The following TULP4 variants were observed in gnomAD, a reference collection of about 807,000 sequenced individuals.
The protein encoded by TULP4 is tubby-related protein 4.
In TULP4, 16 loss-of-function variants were observed where a neutral mutation model predicts 129.0. The observed-to-expected ratio is 0.12, with a 90% confidence interval of 0.08 to 0.19. TULP4 has a LOEUF of 0.19. Among genes scored for constraint, TULP4 ranks in the 10% least tolerant of loss-of-function variants. TULP4 has a pLI of 1.00. For synonymous variants in TULP4, 998 were observed against 854.0 expected (o/e 1.17, Z -2.94); for missense variants, 1,842 against 2,059.1 (o/e 0.89, Z 2.04).
At chr6:158,486,550 T>C (rs1386645389) in intron 8 of TULP4, among the ~76,000 whole-genome samples, 2 of 149,212 alleles carry the variant, frequency 1.3e-5, no homozygotes, top group African/African-American at 2.4e-5. Context: ...AAGACTCGTC[T>C]CAAAAAAAAA....
At chr6:158,451,877 C>T (rs1779167652) in intron 4 of TULP4, among the ~76,000 whole-genome samples, 1 of 152,226 alleles carries the variant, frequency 6.6e-6, no homozygotes, top group South Asian at 2.1e-4. Flanking sequence ...CACATATTCT[C>T]ACCACTCACC....
At chr6:158,447,905 C>G (rs943523676) in intron 3 of TULP4, among the ~76,000 whole-genome samples, 10 of 152,186 alleles carry the variant, frequency 6.6e-5, no homozygotes, top group Admixed American at 3.9e-4. Context: ...CCATTAGACA[C>G]AAAAGATGTA....
chr6:158,458,199 G>A (rs1204341264), intron 5 of TULP4, among the ~76,000 whole-genome samples: 1 of 152,112 alleles, frequency 6.6e-6, no homozygotes, highest in African/African-American at 2.4e-5. Flanking sequence ...TTTTGACCCA[G>A]TAATACCACA....
At chr6:158,429,374 A>G (rs1778577681) in intron 2 of TULP4, among the ~76,000 whole-genome samples, 1 of 152,232 alleles carries the variant, frequency 6.6e-6, no homozygotes, top group Admixed American at 6.5e-5. Flanking sequence ...CCTGACCTCA[A>G]GTAATCTGCC....
chr6:158,432,991 A>G (rs976628477), intron 3 of TULP4, among the ~76,000 whole-genome samples: 1 of 152,182 alleles, frequency 6.6e-6, no homozygotes, highest in Non-Finnish European at 1.5e-5. Context: ...TAGCAATGAC[A>G]TTATCTGGTA....
At chr6:158,464,330 CAT>C (rs1200683682) in intron 6 of TULP4, among the ~76,000 whole-genome samples, 1 of 150,962 alleles carries the variant, frequency 6.6e-6, no homozygotes, top group Non-Finnish European at 1.5e-5. Context: ...AGGCCATACA[CAT>C]GTCACAGGTG....
At chr6:158,357,944 A>T (rs1275819695) in intron 1 of TULP4, among the ~76,000 whole-genome samples, 1 of 152,182 alleles carries the variant, frequency 6.6e-6, no homozygotes. Context: ...GTTGGGTGTG[A>T]CGCTCATTCT....
chr6:158,498,010 C>T (rs1027047338), intron 11 of TULP4, among the ~76,000 whole-genome samples: 3 of 152,200 alleles, frequency 2.0e-5, no homozygotes, highest in Non-Finnish European at 4.4e-5. Flanking sequence ...TTTGTCTCCT[C>T]TAAATATTTT....
chr6:158,425,787 AG>A (rs1778477391), intron 2 of TULP4, among the ~76,000 whole-genome samples: 1 of 151,984 alleles, frequency 6.6e-6, no homozygotes, highest in Non-Finnish European at 1.5e-5. Context: ...TATTTTTAGT[AG>A]AGATGGGAAA....
chr6:158,423,049 G>C (rs780129281), intron 2 of TULP4, among the ~76,000 whole-genome samples: 1 of 151,444 alleles, frequency 6.6e-6, no homozygotes, highest in African/African-American at 2.4e-5. Context: ...GGCAGAGGCC[G>C]GAGGATAGCT....
chr6:158,314,321 C>T, intron 1 of TULP4, 53 bp downstream of exon 1: 1 of 1,580,142 alleles, frequency 6.3e-7, no homozygotes, highest in Non-Finnish European at 8.6e-7. Context: ...TGTTTTTGAG[C>T]CCCTTGTGGA....
intron 1 of TULP4, among the ~76,000 whole-genome samples, chr6:158,274,673 A>G (rs932428834): frequency 6.6e-6 from 1 of 152,160 alleles, no homozygotes; most frequent in Admixed American, 6.5e-5. Flanking sequence ...GCTACTCGGG[A>G]GGCTGAGGCA....
At chr6:158,430,490 C>A (rs1319352541) in intron 3 of TULP4, among the ~76,000 whole-genome samples, 1 of 152,152 alleles carries the variant, frequency 6.6e-6, no homozygotes, top group East Asian at 1.9e-4. Context: ...CGCCTGTAAT[C>A]CCAACACTTT....
rs35396796 is a variant in TULP4 at position 158,508,878 on chromosome 6, G to GTTTTTTTTTT, written c.*2202_*2211dup. On this transcript the variant is annotated 3_prime_UTR_variant, in exon 14 of 14. Coordinates refer to ENST00000367097, the MANE Select transcript of TULP4 (RefSeq NM_020245.5). ...AGAAATAAAGAGGATATGATAGAAG[G>GTTTTTTTTTT]TTTTTTTTTTTTTTTTTTTTTTTTT... 1 of 77,682 alleles carries GTTTTTTTTTT rather than the reference G, an allele frequency of 1.3e-5. No homozygotes were observed. Among genetic ancestry groups the GTTTTTTTTTT allele is most frequent in the African/African-American group, 5.7e-5 (1 of 17,672 alleles). 4.8% of individuals were successfully genotyped at this position (77,682 alleles called of 1,614,324 possible). A position where few individuals can be genotyped will look rare whatever the true frequency, so the allele number is the denominator to read the frequency against.
chr6:158,253,479 T>G (rs1778182719), intron 1 of TULP4, among the ~76,000 whole-genome samples: 1 of 152,124 alleles, frequency 6.6e-6, no homozygotes, highest in Admixed American at 6.5e-5. Flanking sequence ...GCAGGCTGCA[T>G]GTTGAGTGGC....
rs1056130248 is a variant in TULP4, at chr6:158,493,121, G to T, written c.1632-452G>T. Among the ~76,000 whole-genome samples, 1 of 152,240 alleles carries T rather than the reference G, an allele frequency of 6.6e-6. No homozygotes were observed. The highest frequency in any genetic ancestry group is 2.1e-4 in the South Asian group (1 of 4,832). On this transcript the variant is annotated intron_variant, in intron 9 of 13. Transcript: ENST00000367097. This position sits in a 1 kb window ranked among gnomAD's most constrained non-coding sequence, Gnocchi z 4.4. ...CACGCTTGCTCCAAGGCAACAGAGA[G>T]TGAAAGACAGTTAATTCTTTGAGTT... is the stretch of plus-strand genomic sequence containing the variant.
chr6:158,299,890 G>A (rs570034307), intron 1 of TULP4, among the ~76,000 whole-genome samples: 1 of 152,132 alleles, frequency 6.6e-6, no homozygotes, highest in Non-Finnish European at 1.5e-5. Flanking sequence ...TATTATAAGC[G>A]AGATCCAGTG....
rs77970664 is a variant in TULP4 at position 158,409,178 on chromosome 6, C to G, written c.253-3887C>G. Among the ~76,000 whole-genome samples, 1,066 of 152,260 alleles carry G rather than the reference C, an allele frequency of 7.0e-3. 39 individuals carry two copies. The East Asian group carries it at 0.13, about 18-fold the overall frequency. ...AGAAGTGATGTGACTGACTTAGGGC[C>G]TTAGATTATGGCCCAAATGTAGGCT... On this transcript the variant is annotated intron_variant, in intron 1 of 13. Transcript: ENST00000367097.
At chr6:158,240,435 C>A (rs1217773336) in intron 1 of TULP4, among the ~76,000 whole-genome samples, 1 of 77,414 alleles carries the variant, frequency 1.3e-5, no homozygotes, top group East Asian at 5.0e-4. Context: ...AGAGGCGCCC[C>A]TCACCTCCCA....
Sources: allele counts gnomAD v4.1 joint callset (sites outside exome capture counted in the v4.1 genomes callset), GRCh38; gene constraint gnomAD v4.1.1; non-coding constraint Gnocchi (gnomAD v3.1); transcripts MANE v1.5; gene names NCBI Gene and HGNC (gene_info 2026-07-23, HGNC 2026-07-21).